The following HSD17B11 variants were observed in gnomAD, a reference collection of about 807,000 sequenced individuals.
The protein encoded by HSD17B11 is hydroxysteroid 17-beta dehydrogenase 11, also known as estradiol 17-beta-dehydrogenase 11.
HSD17B11 carries 22 observed loss-of-function variants against 27.8 expected under a neutral mutation model. The observed-to-expected ratio is 0.79, with a 90% CI of 0.56 to 1.13. HSD17B11 has a LOEUF of 1.13. HSD17B11 is among the 50% of genes most tolerant of loss of function. The pLI, the probability that HSD17B11 is intolerant of heterozygous loss-of-function variation, is 0.00. For missense variants in HSD17B11, 314 were observed against 351.1 expected (o/e 0.89, Z 0.84); for synonymous variants, 117 against 132.8 (o/e 0.88, Z 0.82).
intron 4 of HSD17B11, among the ~76,000 whole-genome samples, chr4:87,366,541 T>C (rs1735616410): frequency 6.6e-6 from 1 of 152,232 alleles, no homozygotes; most frequent in Non-Finnish European, 1.5e-5. Flanking sequence ...ATGTTATTGG[T>C]ATATGTTCCA....
intron 2 of HSD17B11, among the ~76,000 whole-genome samples, chr4:87,375,107 T>C (rs62319103): frequency 0.31 from 46,467 of 151,998 alleles, 7,496 homozygotes; most frequent in African/African-American, 0.36. Context: ...CCATGTTAGC[T>C]AGGCTAGTCT....
At chr4:87,372,880 T>C (rs1735747963) in intron 3 of HSD17B11, 65 bp from the exon 4 acceptor site, 2 of 974,760 alleles carry the variant, frequency 2.1e-6, no homozygotes, top group African/African-American at 1.7e-5. Context: ...CTATTGGGAA[T>C]ATTTTGAAAC....
At chr4:87,383,668 C>A (rs1055344248) in intron 1 of HSD17B11, among the ~76,000 whole-genome samples, 1 of 151,494 alleles carries the variant, frequency 6.6e-6, no homozygotes, top group Non-Finnish European at 1.5e-5. Flanking sequence ...TTTGAGTCAA[C>A]TTAAGTTTAG....
chr4:87,340,543 C>T lies in HSD17B11; in HGVS notation c.759G>A (p.Glu253=). 1 of 1,611,218 alleles carries T rather than the reference C, an allele frequency of 6.2e-7. No homozygotes were observed. Among genetic ancestry groups the T allele is most frequent in the Non-Finnish European group, 8.5e-7 (1 of 1,178,628 alleles). ...VNRLMHGILT[E]QKMIFIPSSI... The stretch of plus-strand genomic sequence containing the variant: ...AAGATGGAATAAAAATCATCTTCTG[C>T]TCAGTCAGAATCCCATGCATCAGCC... The change falls in exon 6 of 7, where the codon GAG becomes GAA. Residue 253 remains glutamate, a synonymous_variant. Coordinates refer to ENST00000358290, the MANE Select transcript of HSD17B11 (RefSeq NM_016245.5).
chr4:87,361,288 A>G (rs1448697803), intron 4 of HSD17B11, among the ~76,000 whole-genome samples: 2 of 152,224 alleles, frequency 1.3e-5, no homozygotes, highest in Non-Finnish European at 2.9e-5. Context: ...CCAGCGCCAT[A>G]ACTGTTCACA....
At chr4:87,370,877 C>G (rs1467270023) in intron 4 of HSD17B11, among the ~76,000 whole-genome samples, 6 of 124,386 alleles carry the variant, frequency 4.8e-5, no homozygotes, top group Admixed American at 2.5e-4. Context: ...CTCAGCCTCC[C>G]GAGTAGCTGG....
At chr4:87,378,943 TATATTTATATATATATA>T (rs1560769625) in intron 2 of HSD17B11, among the ~76,000 whole-genome samples, 955 of 26,654 alleles carry the variant, frequency 0.036, 133 homozygotes, top group African/African-American at 0.2. Context: ...TATATATATA[TATATTTATATATATATA>T]TTTTTTTTTT....
At chr4:87,390,139 G>A (rs902549448) in intron 1 of HSD17B11, among the ~76,000 whole-genome samples, 24 of 152,006 alleles carry the variant, frequency 1.6e-4, no homozygotes, top group African/African-American at 5.3e-4. Flanking sequence ...TGTAGCATTG[G>A]TTTCTGTTGA....
In HSD17B11 at chr4:87,370,716, C is replaced by T. The variant is rs1578041898; in HGVS notation, c.557+1993G>A. ...ACAGGCGTGAGCCTCCACGCCTGGC[C>T]TAGATATTATTATTATTATTATTAT... On this transcript the variant is annotated intron_variant, in intron 4 of 6. Transcript: ENST00000358290. 3.7e-5 allele frequency among the ~76,000 whole-genome samples: 5 copies of T among 134,684 alleles called. No individual in the cohort carries two copies. The East Asian group carries it at 1.1e-3, about 30-fold the overall frequency. 88.4% of individuals were successfully genotyped at this position (134,684 alleles called of 152,430 possible).
At chr4:87,359,290 T>A (rs1480457471) in intron 4 of HSD17B11, among the ~76,000 whole-genome samples, 1 of 152,246 alleles carries the variant, frequency 6.6e-6, no homozygotes, top group East Asian at 1.9e-4. Flanking sequence ...TTCTGTATAC[T>A]GAAAAACAAC....
Position 87,337,355 on chromosome 4 carries a change from T to C in HSD17B11, c.824A>G (p.Glu275Gly). The part of the protein sequence containing the change: ...FLTTLERILP[E>G]RFLAVLKRKI... ...TCGTTTTAAAACTGCCAGGAAACGC[T>C]CAGGAAGGATCCTAAAAGAAAGATA... is the stretch of plus-strand genomic sequence containing the variant. Residue 275 changes from glutamate (E) to glycine (G), a missense_variant, in exon 7 of 7, where the codon GAG becomes GGG. Physicochemically the swap from Glu to Gly is moderately conservative, Grantham distance 98 (BLOSUM62 -2). Coordinates refer to ENST00000358290, the MANE Select transcript of HSD17B11 (RefSeq NM_016245.5). 1 of 1,570,526 alleles carries C rather than the reference T, an allele frequency of 6.4e-7. No homozygotes were observed. The highest frequency in any genetic ancestry group is 8.7e-7 in the Non-Finnish European group (1 of 1,143,386).
intron 1 of HSD17B11, among the ~76,000 whole-genome samples, chr4:87,384,028 A>G (rs62319110): frequency 0.34 from 51,327 of 151,898 alleles, 9,560 homozygotes; most frequent in African/African-American, 0.47. Context: ...GAAAGGCCAA[A>G]TCTGGACAGC....
At chr4:87,357,673 A>G (rs1312570061) in intron 4 of HSD17B11, among the ~76,000 whole-genome samples, 1 of 152,196 alleles carries the variant, frequency 6.6e-6, no homozygotes, top group East Asian at 1.9e-4. Context: ...TTCCTTAAAA[A>G]GCCTTTTAAA....
chr4:87,343,536 A>G (rs1477533240), intron 5 of HSD17B11, among the ~76,000 whole-genome samples: 1 of 146,762 alleles, frequency 6.8e-6, no homozygotes, highest in African/African-American at 2.5e-5. Context: ...TTTGGGGAAA[A>G]CATTTCAACT....
chr4:87,344,882 C>A (rs1391492096), intron 5 of HSD17B11, among the ~76,000 whole-genome samples: 1 of 152,100 alleles, frequency 6.6e-6, no homozygotes, highest in African/African-American at 2.4e-5. Context: ...TTAAACAGTA[C>A]CCCTAAATAA....
intron 5 of HSD17B11, among the ~76,000 whole-genome samples, chr4:87,346,742 T>C (rs1409085677): frequency 6.6e-6 from 1 of 152,080 alleles, no homozygotes; most frequent in Admixed American, 6.6e-5. Context: ...ACTGTTTTTT[T>C]CCTATCATAC....
intron 5 of HSD17B11, 42 bp downstream of exon 5, chr4:87,357,237 C>A: frequency 1.3e-6 from 2 of 1,596,118 alleles, no homozygotes; most frequent in South Asian, 1.1e-5. Flanking sequence ...GGCTGGTATT[C>A]ATAGCAACCA....
intron 6 of HSD17B11, among the ~76,000 whole-genome samples, chr4:87,337,678 G>A (rs548582070): frequency 9.4e-4 from 143 of 152,068 alleles, no homozygotes; most frequent in Non-Finnish European, 1.4e-3. Flanking sequence ...AAAGAAACCC[G>A]ACATTAAAAA....
chr4:87,373,023 C>A (rs1409089715), intron 3 of HSD17B11, among the ~76,000 whole-genome samples: 1 of 152,178 alleles, frequency 6.6e-6, no homozygotes, highest in East Asian at 1.9e-4. Context: ...CTACTGAAAG[C>A]TTTGAGAATC....
Sources: allele counts gnomAD v4.1 joint callset (sites outside exome capture counted in the v4.1 genomes callset), GRCh38; gene constraint gnomAD v4.1.1; transcripts MANE v1.5; gene names NCBI Gene and HGNC (gene_info 2026-07-23, HGNC 2026-07-21).